TBC1D28: variants seen among roughly 807,000 people sequenced by gnomAD.
TBC1D28 encodes TBC1 domain family, member 28.
Under a neutral mutation model 29.2 loss-of-function variants are expected in TBC1D28, and 20 were observed. That is an observed-to-expected ratio of 0.68 (90% CI 0.48 to 0.99). The LOEUF is 0.99. Ranked by LOEUF, TBC1D28 falls within the 50% of genes least tolerant of loss-of-function variation. TBC1D28 has a pLI of 0.00. For missense variants in TBC1D28, 205 were observed against 243.7 expected, an observed-to-expected ratio of 0.84 and a Z score of 1.06; for synonymous variants, 65 against 90.9, an observed-to-expected ratio of 0.71 and a Z score of 1.62.
intron 4 of TBC1D28, among the ~76,000 whole-genome samples, chr17:18,639,458 G>A (rs2031670613): frequency 7.2e-6 from 1 of 138,532 alleles, no homozygotes; most frequent in Non-Finnish European, 1.5e-5. Flanking sequence ...CCCGTGGGGT[G>A]CCTTGGGCTG....
chr17:18,641,544 G>A (rs1459847343), intron 2 of TBC1D28, 88 bp downstream of exon 3: 1 of 645,666 alleles, frequency 1.5e-6, no homozygotes, highest in East Asian at 2.7e-5. Context: ...CCTCCAACCA[G>A]TGGTGGGCTC....
At chr17:18,637,733 C>T in intron 8 of TBC1D28, 131 bp downstream of exon 9, 2 of 1,357,236 alleles carry the variant, frequency 1.5e-6, no homozygotes, top group Non-Finnish European at 2.0e-6. Flanking sequence ...CCGGCTGCTC[C>T]CTGGGCCAGG....
chr17:18,639,456 G>T (rs1189233210), intron 4 of TBC1D28, among the ~76,000 whole-genome samples: 2 of 137,920 alleles, frequency 1.5e-5, no homozygotes, highest in Non-Finnish European at 3.1e-5. Context: ...AGCCCGTGGG[G>T]TGCCTTGGGC....
intron 8 of TBC1D28, 55 bp downstream of exon 9, chr17:18,637,809 T>A: frequency 6.2e-7 from 1 of 1,612,448 alleles, no homozygotes; most frequent in Non-Finnish European, 8.5e-7. Context: ...GACAACCTCA[T>A]TCCTCTGGAT....
rs973514985 is a variant in TBC1D28, at chr17:18,638,490, G to A, written c.280-70C>T. The A allele has an allele frequency of 3.7e-5, 58 of 1,587,460 alleles. No homozygotes were observed. In the African/African-American group the frequency reaches 6.9e-4, roughly 19 times the overall value. On this transcript the variant is annotated intron_variant, in intron 6 of 8. Coordinates refer to ENST00000345096, the Ensembl canonical transcript of TBC1D28. ...CCCGCAGAGGAAAGCTGGCGAACAGGCCTGCAGTCCTATGGCAAGGATGGG... is the reference window on the plus strand; with the variant it reads ...CCCGCAGAGGAAAGCTGGCGAACAGACCTGCAGTCCTATGGCAAGGATGGG...
chr17:18,644,233 AC>A (rs2031898828), upstream of TBC1D28: 1 of 151,772 alleles, frequency 6.6e-6, no homozygotes, highest in Non-Finnish European at 1.5e-5. Context: ...AGCCCTGCCC[AC>A]CAGGTAATGA....
exon 8 of TBC1D28, chr17:18,637,881 T>C (rs1373427994): frequency 6.2e-7 from 1 of 1,613,658 alleles, no homozygotes; most frequent in Non-Finnish European, 8.5e-7. Context: ...CGAATCTTTG[T>C]ATGAACATCA....
At chr17:18,640,420 C>T (rs2151719926) in intron 4 of TBC1D28, among the ~76,000 whole-genome samples, 1 of 148,532 alleles carries the variant, frequency 6.7e-6, no homozygotes, top group Non-Finnish European at 1.5e-5. Flanking sequence ...TCAGGCTGGG[C>T]TCCCATTACC....
intron 2 of TBC1D28, 25 bp downstream of exon 3, chr17:18,641,607 C>T (rs138811680): frequency 7.6e-5 from 43 of 562,682 alleles, no homozygotes; most frequent in East Asian, 1.2e-4. Flanking sequence ...CTATTGTCCC[C>T]GAACACCCCA....
chr17:18,641,440 C>T, intron 2 of TBC1D28, 87 bp from the exon 4 acceptor site: 1 of 1,050,330 alleles, frequency 9.5e-7, no homozygotes, highest in Admixed American at 2.0e-5. Flanking sequence ...CCCAGACACA[C>T]TCCAGTCTGG....
At chr17:18,634,659 A>G (rs1295313529), downstream of TBC1D28, among the ~76,000 whole-genome samples, 4 of 152,230 alleles carry the variant, frequency 2.6e-5, no homozygotes, top group Non-Finnish European at 5.9e-5. Flanking sequence ...ACAGAGACAG[A>G]GTAAGAAAGG....
upstream of TBC1D28, chr17:18,643,058 C>G (rs2031840615): frequency 6.6e-6 from 1 of 152,268 alleles, no homozygotes; most frequent in South Asian, 2.1e-4. Context: ...GCTGGCTGTC[C>G]CACTTACATG....
Position 18,635,500 on chromosome 17 carries a change from G to C in TBC1D28, c.*962C>G, listed in dbSNP as rs528789611. The C allele has an allele frequency of 9.0e-6, 7 of 774,152 alleles. No individual in the cohort carries two copies. In the African/African-American group the frequency reaches 9.4e-5, roughly 10 times the overall value. 48.0% of individuals were successfully genotyped at this position (774,152 alleles called of 1,614,324 possible). The stretch of plus-strand genomic sequence containing the variant: ...GCGGTGTCGATGAAATGGGCACCGC[G>C]TGCTTTCCATGCAAAAGACACGAAG... On this transcript the variant is annotated 3_prime_UTR_variant, in exon 9 of 9. Transcript: ENST00000345096.
chr17:18,637,224 C>T (rs1218121191), intron 8 of TBC1D28, among the ~76,000 whole-genome samples: 1 of 107,186 alleles, frequency 9.3e-6, no homozygotes, highest in Admixed American at 1.0e-4. Context: ...AGAGTGGAAC[C>T]CCCTTCCTCC....
At position 18,639,219 on chromosome 17, in the gene TBC1D28, A is replaced by G. The variant is rs776935615; in HGVS notation, c.159-5T>C. 2 of 1,611,310 alleles carry G rather than the reference A, an allele frequency of 1.2e-6. No individual in the cohort carries two copies. Among genetic ancestry groups the G allele is most frequent in the Non-Finnish European group, 1.7e-6 (2 of 1,179,234 alleles). On this transcript the variant is annotated splice_region_variant and splice_polypyrimidine_tract_variant and intron_variant, in intron 4 of 8. Transcript: ENST00000345096. ...ACGCGGGGCAGCTCCATCTCACTGT[A>G]AGGCAACCCAGGCAGAGCTGAGGAC...
chr17:18,635,201 GTCCCGGGC>G (rs1403855049), exon 9 of TBC1D28: 9 of 152,970 alleles, frequency 5.9e-5, no homozygotes, highest in Non-Finnish European at 1.0e-4. Context: ...CCCACCAGGA[GTCCCGGGC>G]GGGGGCACCA....
intron 4 of TBC1D28, among the ~76,000 whole-genome samples, chr17:18,639,461 T>C (rs1451413973): frequency 7.2e-6 from 1 of 138,554 alleles, no homozygotes; most frequent in Non-Finnish European, 1.5e-5. Flanking sequence ...GTGGGGTGCC[T>C]TGGGCTGCAC....
exon 9 of TBC1D28, chr17:18,636,371 T>C: frequency 1.9e-6 from 3 of 1,558,450 alleles, no homozygotes; most frequent in South Asian, 1.2e-5. Context: ...ATTGGGTCCA[T>C]GTGAGACCAG....
exon 3 of TBC1D28, chr17:18,641,308 T>C: frequency 6.2e-7 from 1 of 1,613,758 alleles, no homozygotes; most frequent in Non-Finnish European, 8.5e-7. Context: ...TGATATTGCC[T>C]TGCCCCTGGG....
Sources: gnomAD v4.1 joint callset for allele counts (sites outside exome capture counted in the v4.1 genomes callset) on GRCh38, gnomAD v4.1.1 for gene constraint, MANE v1.5 for transcripts, NCBI Gene and HGNC (gene_info 2026-07-23, HGNC 2026-07-21) for gene names.